The following PPP1R1C variants were observed in gnomAD, a reference collection of about 807,000 sequenced individuals.
The protein encoded by PPP1R1C is protein phosphatase 1 regulatory inhibitor subunit 1C.
PPP1R1C carries 15 observed loss-of-function variants against 17.4 expected under a neutral mutation model. The ratio of observed to expected loss-of-function variants is 0.86; its 90% CI spans 0.58 to 1.33. The LOEUF is 1.33. Among genes scored for constraint, PPP1R1C ranks in the 40% most tolerant of loss-of-function variants. PPP1R1C has a pLI of 0.00. For missense variants in PPP1R1C, 143 were observed against 130.0 expected (o/e 1.10, Z -0.48); for synonymous variants, 35 against 43.1 (o/e 0.81, Z 0.73).
rs1231407592 is a variant in PPP1R1C at position 182,117,268 on chromosome 2, T to A, written c.303T>A (p.Asn101Lys). ...SAFPEEEEGT[N>K]EREEQRDH ...TCCCTGAAGAAGAAGAAGGCACCAA[T>A]GAAAGAGAGGAGCAGCGGGACCATT... is the stretch of plus-strand genomic sequence containing the variant. Residue 101 changes from asparagine (N) to lysine (K), a missense_variant, in exon 5 of 5, where the codon AAT becomes AAA. Coordinates refer to ENST00000682840, the MANE Select transcript of PPP1R1C (RefSeq NM_001080545.3). The A allele has an allele frequency of 1.3e-6, 2 of 1,563,594 alleles. No individual in the cohort carries two copies. Among genetic ancestry groups the A allele is most frequent in the East Asian group, 4.8e-5 (2 of 41,944 alleles).
intron 2 of PPP1R1C, among the ~76,000 whole-genome samples, chr2:182,057,317 G>A (rs1044265138): frequency 6.6e-6 from 1 of 152,154 alleles, no homozygotes; most frequent in South Asian, 2.1e-4. Flanking sequence ...AGTGCTGTGG[G>A]TGTTGGTTGG....
At chr2:182,030,929 A>T (rs1684419833) in intron 2 of PPP1R1C, 1 of 157,110 alleles carries the variant, frequency 6.4e-6, no homozygotes, top group Admixed American at 6.5e-5. Flanking sequence ...GCCGTTTTTT[A>T]AGCCGGTCCG....
At chr2:181,998,454 C>T (rs1685675580) in intron 2 of PPP1R1C, among the ~76,000 whole-genome samples, 1 of 152,200 alleles carries the variant, frequency 6.6e-6, no homozygotes, top group Admixed American at 6.5e-5. Flanking sequence ...GGAGTCTTCT[C>T]ATGAATAGCT....
intron 4 of PPP1R1C, among the ~76,000 whole-genome samples, chr2:182,086,678 G>A (rs1479082968): frequency 6.6e-6 from 1 of 152,144 alleles, no homozygotes; most frequent in Non-Finnish European, 1.5e-5. Flanking sequence ...ACCAGTATGA[G>A]AGACTGTTTT....
intron 2 of PPP1R1C, among the ~76,000 whole-genome samples, chr2:182,056,571 C>A (rs1460717727): frequency 6.6e-6 from 1 of 152,056 alleles, no homozygotes; most frequent in Non-Finnish European, 1.5e-5. Context: ...TTCAAGTGAC[C>A]CTCTGTTATC....
At chr2:182,071,592 C>T (rs1688141960) in intron 4 of PPP1R1C, among the ~76,000 whole-genome samples, 1 of 152,122 alleles carries the variant, frequency 6.6e-6, no homozygotes. Context: ...GTGTAGTACC[C>T]ATTTAAAGAG....
intron 4 of PPP1R1C, among the ~76,000 whole-genome samples, chr2:182,092,369 G>A (rs1475634442): frequency 6.6e-6 from 1 of 152,088 alleles, no homozygotes; most frequent in Non-Finnish European, 1.5e-5. Flanking sequence ...CAATATATGG[G>A]AATTATGGGA....
chr2:182,006,405 G>A (rs13425972), intron 2 of PPP1R1C, among the ~76,000 whole-genome samples: 46,771 of 151,898 alleles, frequency 0.31, 7,476 homozygotes, highest in Middle Eastern at 0.38. Context: ...AAAGTTAATC[G>A]GATCTGCATA....
intron 2 of PPP1R1C, among the ~76,000 whole-genome samples, chr2:181,999,817 A>G (rs1461943463): frequency 6.6e-6 from 1 of 152,052 alleles, no homozygotes. Flanking sequence ...AAAAGTAAAT[A>G]TCATCCATTA....
At chr2:181,979,307 G>A (rs146127414) in intron 2 of PPP1R1C, among the ~76,000 whole-genome samples, 5 of 152,154 alleles carry the variant, frequency 3.3e-5, no homozygotes, top group East Asian at 1.9e-4. Context: ...TCTCTCTTCC[G>A]TTATTATCAT....
intron 2 of PPP1R1C, among the ~76,000 whole-genome samples, chr2:182,042,213 A>C (rs1687207017): frequency 6.6e-6 from 1 of 152,248 alleles, no homozygotes. Context: ...TTAACATTAA[A>C]GAAGAATAAA....
chr2:182,052,617 A>G (rs1345898861), intron 2 of PPP1R1C, among the ~76,000 whole-genome samples: 3 of 152,100 alleles, frequency 2.0e-5, no homozygotes. Flanking sequence ...TATGTATCTC[A>G]CATTAATATG....
intron 2 of PPP1R1C, among the ~76,000 whole-genome samples, chr2:182,002,929 CT>C (rs61485788): frequency 0.32 from 36,170 of 113,236 alleles, 6,893 homozygotes; most frequent in African/African-American, 0.48. Flanking sequence ...TGCCATAAAC[CT>C]CCCCCCCCCC....
chr2:181,985,412 A>G (rs1442941338), upstream of PPP1R1C, among the ~76,000 whole-genome samples: 2 of 152,226 alleles, frequency 1.3e-5, no homozygotes, highest in Non-Finnish European at 2.9e-5. This position sits in a 1 kb window ranked among gnomAD's most constrained non-coding sequence, Gnocchi z 4.1. Context: ...TCAGCCCTGC[A>G]GTAATGCTGC....
chr2:182,040,369 AT>A (rs1485473298), intron 2 of PPP1R1C, among the ~76,000 whole-genome samples: 1 of 152,054 alleles, frequency 6.6e-6, no homozygotes, highest in East Asian at 1.9e-4. Context: ...GGTGTATCTC[AT>A]TGTGGTTTTA....
chr2:182,052,174 C>T (rs1445692627), intron 2 of PPP1R1C, among the ~76,000 whole-genome samples: 1 of 152,002 alleles, frequency 6.6e-6, no homozygotes, highest in African/African-American at 2.4e-5. Context: ...AAAAACTTAG[C>T]TTTTAGTTTT....
intron 5 of PPP1R1C, among the ~76,000 whole-genome samples, chr2:182,123,782 C>T (rs182500624): frequency 1.3e-5 from 2 of 151,918 alleles, no homozygotes; most frequent in Non-Finnish European, 2.9e-5. Flanking sequence ...GATTGCAAAA[C>T]TTTTCTCCCA....
chr2:182,072,794 T>A (rs1185158375), intron 4 of PPP1R1C, among the ~76,000 whole-genome samples: 1 of 152,244 alleles, frequency 6.6e-6, no homozygotes, highest in Non-Finnish European at 1.5e-5. Context: ...GTGTTATTGA[T>A]CCTTATGTAA....
At chr2:182,127,885 T>A (rs1372047141) in intron 5 of PPP1R1C, among the ~76,000 whole-genome samples, 2 of 152,086 alleles carry the variant, frequency 1.3e-5, no homozygotes, top group African/African-American at 4.8e-5. Flanking sequence ...AACCACAGAC[T>A]ATTCATATTT....
Sources: gnomAD v4.1 joint callset for allele counts (sites outside exome capture counted in the v4.1 genomes callset) on GRCh38, gnomAD v4.1.1 for gene constraint, Gnocchi (gnomAD v3.1) non-coding constraint, MANE v1.5 for transcripts, NCBI Gene and HGNC (gene_info 2026-07-23, HGNC 2026-07-21) for gene names.